The following TEKT5 variants were observed in gnomAD, a reference collection of about 807,000 sequenced individuals.
The protein encoded by TEKT5 is tektin-5.
In TEKT5, 52 loss-of-function variants were observed where a neutral mutation model predicts 48.7. The observed-to-expected ratio is 1.07, with a 90% CI of 0.86 to 1.35. TEKT5 has a LOEUF of 1.35. Among genes scored for constraint, TEKT5 ranks in the 40% most tolerant of loss-of-function variants. TEKT5 has a pLI of 0.00. For missense variants in TEKT5, 831 were observed against 641.6 expected, an observed-to-expected ratio of 1.30 and a Z score of -3.19; for synonymous variants, 318 against 267.6, an observed-to-expected ratio of 1.19 and a Z score of -1.84.
At chr16:10,632,909 C>T in intron 6 of TEKT5, among the ~76,000 whole-genome samples, 1 of 149,014 alleles carries the variant, frequency 6.7e-6, no homozygotes, top group Non-Finnish European at 1.5e-5. Flanking sequence ...CACACACACA[C>T]ACACGGCCCG....
intron 5 of TEKT5, among the ~76,000 whole-genome samples, chr16:10,658,103 G>T (rs1300579496): frequency 1.3e-5 from 2 of 152,126 alleles, no homozygotes; most frequent in African/African-American, 4.8e-5. Flanking sequence ...TAATCTAAAT[G>T]AAAGAGATGA....
intron 6 of TEKT5, among the ~76,000 whole-genome samples, chr16:10,628,799 G>A (rs934459935): frequency 6.6e-6 from 1 of 151,468 alleles, no homozygotes; most frequent in Non-Finnish European, 1.5e-5. Context: ...CCAGCTACTC[G>A]AGAGGCTGAG....
intron 5 of TEKT5, among the ~76,000 whole-genome samples, chr16:10,650,203 T>C (rs960276847): frequency 6.6e-6 from 1 of 151,882 alleles, no homozygotes; most frequent in East Asian, 1.9e-4. Flanking sequence ...ATTACAGGTG[T>C]GTGCGACAAG....
At chr16:10,679,011 C>T (rs527630537) in intron 4 of TEKT5, among the ~76,000 whole-genome samples, 26 of 152,242 alleles carry the variant, frequency 1.7e-4, no homozygotes, top group African/African-American at 5.8e-4. Context: ...GATTCAGAAT[C>T]ACAGCTCTGC....
chr16:10,686,456 C>CAA (rs58181454), intron 3 of TEKT5, among the ~76,000 whole-genome samples: 28 of 115,530 alleles, frequency 2.4e-4, no homozygotes, highest in African/African-American at 7.9e-4. Flanking sequence ...GACTCCATCT[C>CAA]AAAAAAAAAA....
rs539095546 is a variant in TEKT5, at chr16:10,685,362, C to T, written c.720-3226G>A. ...TGGCCCGGACTGGAGTGCAGTGGCA[C>T]GATCTTGGCTCACTACAACCTCCGC... On this transcript the variant is annotated intron_variant, in intron 3 of 6. Transcript: ENST00000283025. Among the ~76,000 whole-genome samples the T allele has an allele frequency of 1.1e-4, 16 of 152,244 alleles. No individual in the cohort carries two copies. In the East Asian group the frequency reaches 2.3e-3, roughly 22 times the overall value.
chr16:10,641,104 G>A (rs1897988109), intron 5 of TEKT5, among the ~76,000 whole-genome samples: 1 of 151,636 alleles, frequency 6.6e-6, no homozygotes, highest in East Asian at 1.9e-4. Context: ...ATTCACGACT[G>A]CCAGTTGCTC....
chr16:10,654,852 T>G (rs568013854), intron 5 of TEKT5, among the ~76,000 whole-genome samples: 62 of 151,384 alleles, frequency 4.1e-4, no homozygotes, highest in African/African-American at 1.5e-3. Flanking sequence ...CTTCTGTTTC[T>G]CTGGAGACCC....
At chr16:10,681,904 C>T (rs373876994) in intron 4 of TEKT5, 89 bp downstream of exon 4, 29 of 1,516,650 alleles carry the variant, frequency 1.9e-5, no homozygotes, top group African/African-American at 1.6e-4. Context: ...AACTGGTGCA[C>T]GATGCCCCTT....
At chr16:10,683,410 G>C (rs541745071) in intron 3 of TEKT5, among the ~76,000 whole-genome samples, 2 of 152,324 alleles carry the variant, frequency 1.3e-5, no homozygotes, top group East Asian at 1.9e-4. Flanking sequence ...CTGAGGTAAA[G>C]AGAGGACAAT....
At chr16:10,690,144 T>G in intron 1 of TEKT5, 119 bp from the exon 2 acceptor site, 1 of 970,984 alleles carries the variant, frequency 1.0e-6, no homozygotes, top group Admixed American at 2.2e-5. Context: ...CCTGGGTGCT[T>G]CATGTGACCT....
At chr16:10,675,241 A>C (rs1898623825) in intron 5 of TEKT5, among the ~76,000 whole-genome samples, 1 of 152,134 alleles carries the variant, frequency 6.6e-6, no homozygotes, top group Non-Finnish European at 1.5e-5. Flanking sequence ...CCTCCAGGAG[A>C]ATGTCAAGTC....
rs1257082858 is a variant in TEKT5, at chr16:10,643,186, G to C, written c.1087-7268C>G. ...ACTTGACGCCAGGAGTTTGAGACCA[G>C]CCTGGGCAACACAGTGAGACCCCAT... On this transcript the variant is annotated intron_variant, in intron 5 of 6. Transcript: ENST00000283025. 3.3e-5 allele frequency among the ~76,000 whole-genome samples: 5 copies of C among 152,000 alleles called. No individual in the cohort carries two copies. In the East Asian group the frequency reaches 9.7e-4, roughly 29 times the overall value.
intron 5 of TEKT5, among the ~76,000 whole-genome samples, chr16:10,643,215 TAA>T (rs747415035): frequency 2.1e-5 from 3 of 142,710 alleles, no homozygotes; most frequent in Non-Finnish European, 3.1e-5. Context: ...ACCCCATCTC[TAA>T]AAAAAAAAAA....
rs571260892 is a variant in TEKT5, at chr16:10,677,423, A to G, written c.864-1242T>C. ...CCAGGAATTTGAGACCAGCCTGGCCAACATGGTGAAATCCCGTCTCTACTA... is the reference window on the plus strand; with the variant it reads ...CCAGGAATTTGAGACCAGCCTGGCCGACATGGTGAAATCCCGTCTCTACTA... On this transcript the variant is annotated intron_variant, in intron 4 of 6. Coordinates refer to ENST00000283025, the MANE Select transcript of TEKT5 (RefSeq NM_144674.2). Among the ~76,000 whole-genome samples the G allele has an allele frequency of 3.1e-4, 46 of 147,190 alleles. 5 individuals carry two copies. In the East Asian group the frequency reaches 9.2e-3, roughly 29 times the overall value.
At chr16:10,690,167 T>A in intron 1 of TEKT5, 142 bp from the exon 2 acceptor site, 1 of 745,662 alleles carries the variant, frequency 1.3e-6, no homozygotes, top group South Asian at 1.8e-5. Context: ...CTACTGGGCA[T>A]TGGATGGGCT....
chr16:10,657,969 T>C (rs913182284), intron 5 of TEKT5, among the ~76,000 whole-genome samples: 2 of 152,144 alleles, frequency 1.3e-5, no homozygotes, highest in Non-Finnish European at 1.5e-5. Context: ...ACTTAAAATG[T>C]ACTGTGGTTT....
At chr16:10,632,409 T>G (rs766449222) in intron 6 of TEKT5, among the ~76,000 whole-genome samples, 70 of 152,282 alleles carry the variant, frequency 4.6e-4, no homozygotes, top group Non-Finnish European at 9.7e-4. Flanking sequence ...GCAATCTTCC[T>G]GCTTTAGCCT....
intron 5 of TEKT5, among the ~76,000 whole-genome samples, chr16:10,670,247 C>T (rs1352003887): frequency 6.6e-6 from 1 of 152,222 alleles, no homozygotes; most frequent in Non-Finnish European, 1.5e-5. Flanking sequence ...GCATTTCAGT[C>T]CGGGCACGGT....
Sources: allele counts gnomAD v4.1 joint callset (sites outside exome capture counted in the v4.1 genomes callset), GRCh38; gene constraint gnomAD v4.1.1; transcripts MANE v1.5; gene names NCBI Gene and HGNC (gene_info 2026-07-23, HGNC 2026-07-21).